The following KCNN2 variants were observed in gnomAD, a reference collection of about 807,000 sequenced individuals.
KCNN2 encodes the protein potassium calcium-activated channel subfamily N member 2, also known as small conductance calcium-activated potassium channel protein 2.
KCNN2 carries 24 observed loss-of-function variants against 55.5 expected under a neutral mutation model. That is an observed-to-expected ratio of 0.43 (90% confidence interval 0.31 to 0.61). The LOEUF (loss-of-function observed/expected upper bound fraction) is 0.61, where lower values mean the gene tolerates loss of function less well. KCNN2 is among the 20% of genes least tolerant of loss of function. The pLI is 0.08. For synonymous variants in KCNN2, 431 were observed against 336.1 expected (o/e 1.28, Z -3.09); for missense variants, 754 against 853.6 (o/e 0.88, Z 1.45).
At chr5:114,103,970 C>T (rs925346802) in intron 1 of KCNN2, among the ~76,000 whole-genome samples, 20 of 152,062 alleles carry the variant, frequency 1.3e-4, no homozygotes, top group Non-Finnish European at 2.5e-4. Flanking sequence ...CCCTCTTTTT[C>T]TATTGCTTGG....
chr5:114,118,279 T>C (rs1459730560), intron 1 of KCNN2, among the ~76,000 whole-genome samples: 1 of 152,084 alleles, frequency 6.6e-6, no homozygotes, highest in African/African-American at 2.4e-5. Context: ...AACACATCAG[T>C]GCACACACAC....
intron 3 of KCNN2, among the ~76,000 whole-genome samples, chr5:114,455,443 A>T (rs756633821): frequency 9.2e-5 from 14 of 152,150 alleles, no homozygotes; most frequent in Non-Finnish European, 1.3e-4. Context: ...TGCTTCACCA[A>T]CTAGCTGTTC....
In KCNN2 at chr5:114,076,883, C is replaced by A. The variant is rs773099531; in HGVS notation, c.-271+20383C>A. On this transcript the variant is annotated intron_variant, in intron 1 of 10. Coordinates refer to the KCNN2 transcript ENST00000512097. ...TAATTTTTTGTATTTTTAGTAGAGA[C>A]GGGGTTTCACCGTGTTAGCCAGGAT... Among the ~76,000 whole-genome samples, 11 of 151,908 alleles carry A rather than the reference C, an allele frequency of 7.2e-5. 1 individual carries two copies. The highest frequency in any genetic ancestry group is 4.4e-5 in the Non-Finnish European group (3 of 67,954).
chr5:114,313,040 A>T (rs545294441), intron 2 of KCNN2, among the ~76,000 whole-genome samples: 2 of 152,236 alleles, frequency 1.3e-5, no homozygotes, highest in African/African-American at 2.4e-5. Context: ...AGAAAAAGGA[A>T]TATTAGTCTG....
At chr5:114,412,344 A>G (rs1374740659) in intron 3 of KCNN2, among the ~76,000 whole-genome samples, 1 of 152,156 alleles carries the variant, frequency 6.6e-6, no homozygotes, top group African/African-American at 2.4e-5. Context: ...TTAATAACTT[A>G]ATCTGTTCCT....
chr5:114,325,974 T>G (rs1453093280), intron 2 of KCNN2, among the ~76,000 whole-genome samples: 3 of 152,220 alleles, frequency 2.0e-5, no homozygotes, highest in Admixed American at 2.0e-4. Context: ...TTCAGGTTTT[T>G]GGTTTTTGCA....
At chr5:114,320,654 C>T (rs562873349) in intron 2 of KCNN2, among the ~76,000 whole-genome samples, 7 of 152,120 alleles carry the variant, frequency 4.6e-5, no homozygotes, top group Non-Finnish European at 8.8e-5. Flanking sequence ...CAAGCCCCTC[C>T]CTCTCCACCA....
intron 1 of KCNN2, among the ~76,000 whole-genome samples, chr5:114,210,706 G>A (rs894552875): frequency 1.3e-5 from 2 of 152,168 alleles, no homozygotes; most frequent in Non-Finnish European, 2.9e-5. Context: ...AAGCCAAATT[G>A]TAGTTATTAA....
chr5:114,064,446 G>A (rs1156876), intron 1 of KCNN2, among the ~76,000 whole-genome samples: 11,769 of 152,206 alleles, frequency 0.077, 586 homozygotes, highest in Non-Finnish European at 0.1. Flanking sequence ...AGTGCTGTGA[G>A]GAAGCTCCAG....
intron 5 of KCNN2, among the ~76,000 whole-genome samples, chr5:114,473,804 G>A (rs191533370): frequency 1.1e-4 from 17 of 152,224 alleles, no homozygotes; most frequent in Middle Eastern, 3.4e-3. Context: ...TCATAACAGC[G>A]TTATGAGGGA....
intron 1 of KCNN2, among the ~76,000 whole-genome samples, chr5:114,162,862 T>A (rs1329150200): frequency 6.6e-6 from 1 of 152,102 alleles, no homozygotes; most frequent in African/African-American, 2.4e-5. Context: ...AGCGCAGTAT[T>A]AGGGTGGGAG....
At chr5:114,289,922 C>T (rs972970301) in intron 2 of KCNN2, among the ~76,000 whole-genome samples, 1 of 152,076 alleles carries the variant, frequency 6.6e-6, no homozygotes, top group Non-Finnish European at 1.5e-5. Context: ...CTTTTGGGTA[C>T]TATTGTAAAT....
chr5:114,111,614 A>T (rs971663730), intron 1 of KCNN2, among the ~76,000 whole-genome samples: 3 of 152,152 alleles, frequency 2.0e-5, no homozygotes, highest in Non-Finnish European at 2.9e-5. Flanking sequence ...GAATCTACAA[A>T]GAACTCAAAC....
chr5:114,363,030 C>G lies in KCNN2; in HGVS notation c.891C>G (p.Gly297=). The change falls in exon 1 of 8, where the codon GGC becomes GGG. Residue 297 remains glycine, a synonymous_variant. Transcript: ENST00000673685. The stretch of plus-strand genomic sequence containing the variant: ...ACAACCTGGCGCTCTATGGAACCGG[C>G]GGCGGAGGCAGCACTGGAGGAGGCG... ...NSNNLALYGT[G]GGGSTGGGGG... 6.2e-7 allele frequency: 1 copy of G among 1,603,328 alleles called. No homozygotes were observed. The highest frequency in any genetic ancestry group is 8.5e-7 in the Non-Finnish European group (1 of 1,177,040).
intron 1 of KCNN2, among the ~76,000 whole-genome samples, chr5:114,098,992 T>A (rs184761712): frequency 6.6e-6 from 1 of 152,134 alleles, no homozygotes; most frequent in Non-Finnish European, 1.5e-5. Flanking sequence ...ATAAAATTTG[T>A]ATAACACAAA....
At chr5:114,258,818 C>T (rs965133586) in intron 2 of KCNN2, among the ~76,000 whole-genome samples, 1 of 152,168 alleles carries the variant, frequency 6.6e-6, no homozygotes, top group African/African-American at 2.4e-5. Context: ...TGCAGAACCT[C>T]CTCCCTCAGC....
At chr5:114,440,016 GTTC>G (rs1760149281) in intron 3 of KCNN2, among the ~76,000 whole-genome samples, 1 of 152,100 alleles carries the variant, frequency 6.6e-6, no homozygotes, top group African/African-American at 2.4e-5. Context: ...CTTGACTCAG[GTTC>G]AGCTGGGTTT....
Position 114,495,928 on chromosome 5 carries a change from T to A in KCNN2, c.2122T>A (p.Leu708Ile). The change falls in exon 8 of 8, where the codon TTA becomes ATA. Residue 708 changes from leucine (L) to isoleucine (I), a missense_variant. This residue lies in a region of KCNN2 where 164 missense variants were observed against 156.6 expected (regional missense o/e 1.05). Coordinates refer to ENST00000673685, the MANE Select transcript of KCNN2 (RefSeq NM_021614.4). ...CATCATGTATGATATGATTTCTGAC[T>A]TAAACGAAAGGAGTGAAGACTTCGA... Reference protein sequence around the residue: ...QNIMYDMISDLNERSEDFEKR... With the variant: ...QNIMYDMISDINERSEDFEKR... 6.2e-7 allele frequency: 1 copy of A among 1,613,966 alleles called. No homozygotes were observed.
intron 2 of KCNN2, among the ~76,000 whole-genome samples, chr5:114,294,913 T>C (rs1243817317): frequency 6.6e-6 from 1 of 152,216 alleles, no homozygotes; most frequent in Non-Finnish European, 1.5e-5. Flanking sequence ...AATTGATCCC[T>C]TTACCATTAT....
Sources: allele counts gnomAD v4.1 joint callset (sites outside exome capture counted in the v4.1 genomes callset), GRCh38; gene constraint gnomAD v4.1.1; regional missense constraint gnomAD v4.1.1; transcripts MANE v1.5; gene names NCBI Gene and HGNC (gene_info 2026-07-23, HGNC 2026-07-21).